The following BDP1 variants were observed in gnomAD, a reference collection of about 807,000 sequenced individuals.
BDP1 encodes BDP1 general transcription factor IIIB subunit.
A neutral mutation model predicts 266.6 loss-of-function variants in BDP1; 169 were observed. The observed-to-expected ratio is 0.63, with a 90% CI of 0.56 to 0.72. BDP1 has a LOEUF of 0.72. Among genes scored for constraint, BDP1 ranks in the 30% least tolerant of loss-of-function variants. The probability of loss-of-function intolerance (pLI) is 0.00; values close to 1 mark genes in which losing one functional copy is unlikely to be tolerated. For synonymous variants in BDP1, 1,090 were observed against 1,022.4 expected, an observed-to-expected ratio of 1.07 and a Z score of -1.26; for missense variants, 3,015 against 3,053.8, an observed-to-expected ratio of 0.99 and a Z score of 0.30.
In BDP1 at chr5:71,505,618, C is replaced by T. The variant is rs865956826; in HGVS notation, c.2372+867C>T. ...GCAGTAGTGGACTCCCATATACCTG[C>T]TGTCCAGTTTCAGTAATTAATATTT... On this transcript the variant is annotated intron_variant, in intron 16 of 38. Coordinates refer to ENST00000358731, the MANE Select transcript of BDP1 (RefSeq NM_018429.3). Among the ~76,000 whole-genome samples the T allele has an allele frequency of 3.9e-5, 6 of 152,302 alleles. No individual in the cohort carries two copies. The South Asian group carries it at 8.3e-4, about 21-fold the overall frequency.
chr5:71,478,190 C>T (rs1019636303), intron 7 of BDP1, among the ~76,000 whole-genome samples: 5 of 152,018 alleles, frequency 3.3e-5, no homozygotes, highest in East Asian at 1.9e-4. Context: ...GTGGAGGTTG[C>T]GATGGCCGAA....
chr5:71,465,812 C>T (rs753444249), intron 4 of BDP1, among the ~76,000 whole-genome samples: 26 of 151,850 alleles, frequency 1.7e-4, no homozygotes, highest in Admixed American at 4.6e-4. Context: ...ACCCAGGAGG[C>T]GGAGGTTGCA....
At chr5:71,533,099 T>C in intron 26 of BDP1, among the ~76,000 whole-genome samples, 1 of 152,234 alleles carries the variant, frequency 6.6e-6, no homozygotes, top group East Asian at 1.9e-4. Flanking sequence ...TGTTGCAGCA[T>C]GTAGTGGTAC....
rs543773105 is a variant in BDP1, at chr5:71,460,882, AAAG to A, written c.490-934_490-932del. Among the ~76,000 whole-genome samples the A allele has an allele frequency of 5.9e-5, 9 of 152,154 alleles. No homozygotes were observed. In the East Asian group the frequency reaches 1.7e-3, roughly 29 times the overall value. On this transcript the variant is annotated intron_variant, in intron 2 of 38. Transcript: ENST00000358731. ...TTTCAAGTCACTACAGGGTAAAAAA[AAAG>A]CTGTGTAAGCATAAATTCTCAGTGA...
intron 13 of BDP1, among the ~76,000 whole-genome samples, chr5:71,500,869 G>C (rs1307247754): frequency 6.6e-6 from 1 of 151,970 alleles, no homozygotes; most frequent in African/African-American, 2.4e-5. Flanking sequence ...GGAGGCTGAG[G>C]CGGGCTAATC....
At chr5:71,514,561 C>G (rs1222529421) in intron 19 of BDP1, among the ~76,000 whole-genome samples, 1 of 152,102 alleles carries the variant, frequency 6.6e-6, no homozygotes, top group Non-Finnish European at 1.5e-5. Context: ...TTTCCACTTA[C>G]AGTATTGTGA....
At position 71,514,844 on chromosome 5, in the gene BDP1, CTAT is replaced by C. The variant is rs1765136981; in HGVS notation, c.4471-95_4471-93del. ...ATTTAGAATTTTGGTATAGACTACC[CTAT>C]TATTCTTCACGAAGATGATATCAGT... is the stretch of plus-strand genomic sequence containing the variant. On this transcript the variant is annotated intron_variant, in intron 19 of 38. Transcript: ENST00000358731. 10 of 767,732 alleles carry C rather than the reference CTAT, an allele frequency of 1.3e-5. No individual in the cohort carries two copies. The South Asian group carries it at 1.6e-4, about 12-fold the overall frequency. 47.6% of individuals were successfully genotyped at this position (767,732 alleles called of 1,614,324 possible). A position where few individuals can be genotyped will look rare whatever the true frequency, so the allele number is the denominator to read the frequency against.
chr5:71,556,334 G>A (rs1227715137), intron 35 of BDP1, among the ~76,000 whole-genome samples: 2 of 151,900 alleles, frequency 1.3e-5, no homozygotes, highest in African/African-American at 2.4e-5. Flanking sequence ...GATCCAAATA[G>A]TGCACATCTT....
intron 14 of BDP1, 81 bp from the exon 15 acceptor site, chr5:71,502,518 A>G: frequency 1.6e-6 from 2 of 1,215,800 alleles, no homozygotes; most frequent in Middle Eastern, 2.2e-4. Context: ...TCATATTCCA[A>G]ATGGTTTACT....
Position 71,492,635 on chromosome 5 carries a change from T to C in BDP1, c.1640+1504T>C, listed in dbSNP as rs527678862. On this transcript the variant is annotated intron_variant, in intron 11 of 38. Coordinates refer to ENST00000358731, the MANE Select transcript of BDP1 (RefSeq NM_018429.3). ...TGAGAATTATTTATATAGTTTGGAT[T>C]TTAGGACCTTATCAGAAATATGATT... 3.9e-5 allele frequency among the ~76,000 whole-genome samples: 6 copies of C among 152,280 alleles called. No homozygotes were observed. The East Asian group carries it at 1.2e-3, about 29-fold the overall frequency.
intron 13 of BDP1, among the ~76,000 whole-genome samples, chr5:71,500,041 A>G (rs981230247): frequency 5.9e-5 from 9 of 152,326 alleles, no homozygotes; most frequent in Admixed American, 3.3e-4. Flanking sequence ...TTACATTGCT[A>G]AATGAATCTT....
chr5:71,496,684 G>C (rs968030421), intron 12 of BDP1, among the ~76,000 whole-genome samples: 17 of 152,178 alleles, frequency 1.1e-4, no homozygotes, highest in Admixed American at 5.2e-4. Context: ...CCGGGTTCAA[G>C]GGATTCACCT....
chr5:71,499,623 A>G (rs1198166498), intron 13 of BDP1, among the ~76,000 whole-genome samples: 1 of 152,198 alleles, frequency 6.6e-6, no homozygotes, highest in Non-Finnish European at 1.5e-5. Context: ...CTGTCTCAAA[A>G]AAATAAAAAA....
intron 31 of BDP1, 85 bp downstream of exon 31, chr5:71,544,592 A>T: frequency 6.8e-7 from 1 of 1,477,858 alleles, no homozygotes; most frequent in Non-Finnish European, 9.1e-7. Context: ...TTGAAAAAGA[A>T]GTTCTGGCCG....
chr5:71,531,275 A>C (rs557054379), intron 25 of BDP1, among the ~76,000 whole-genome samples: 1 of 152,174 alleles, frequency 6.6e-6, no homozygotes, highest in Non-Finnish European at 1.5e-5. Flanking sequence ...GAAAAACAAA[A>C]AAATAAGATA....
At chr5:71,543,390 G>A (rs1767087072) in intron 30 of BDP1, among the ~76,000 whole-genome samples, 1 of 152,186 alleles carries the variant, frequency 6.6e-6, no homozygotes, top group Non-Finnish European at 1.5e-5. Flanking sequence ...GAGCCCAGGA[G>A]TTTTGAGACC....
Position 71,542,212 on chromosome 5 carries a change from AG to A in BDP1, c.6361del (p.Glu2121LysfsTer7). ...TLGTNRLDDY[Q>X]EVSSLCVTKG... ...GGGACCAACAGGCTTGATGATTATCAGGAAGTTTCCAGTTTGTGTGTAACCA... is the reference window on the plus strand; with the variant it reads ...GGGACCAACAGGCTTGATGATTATCAGAAGTTTCCAGTTTGTGTGTAACCA... On this transcript the variant is annotated frameshift_variant, in exon 30 of 39. Transcript: ENST00000358731. LOFTEE classifies it high-confidence loss of function. The A allele has an allele frequency of 6.2e-7, 1 of 1,613,588 alleles. No individual in the cohort carries two copies. Among genetic ancestry groups the A allele is most frequent in the Non-Finnish European group, 8.5e-7 (1 of 1,179,836 alleles).
chr5:71,532,227 T>A, intron 25 of BDP1, 81 bp from the exon 26 acceptor site: 1 of 1,244,194 alleles, frequency 8.0e-7, no homozygotes. Context: ...CGTTTCATCT[T>A]ACTTATTCAT....
Position 71,517,563 on chromosome 5 carries a change from A to T in BDP1, c.4991+111A>T. On this transcript the variant is annotated intron_variant, in intron 22 of 38. Transcript: ENST00000358731. Reference sequence around the variant, plus strand: ...TTCACATCCTGAAAATGTTAAAAGGATAAAGTAATAAATACTTGTGATACT... The same window carrying T: ...TTCACATCCTGAAAATGTTAAAAGGTTAAAGTAATAAATACTTGTGATACT... The T allele has an allele frequency of 3.2e-6, 3 of 926,148 alleles. No individual in the cohort carries two copies. The East Asian group carries it at 8.0e-5, about 25-fold the overall frequency. The allele number at this position is 926,148 out of a possible 1,614,324, so 57.4% of individuals were successfully genotyped here.
Sources: gnomAD v4.1 joint callset for allele counts (sites outside exome capture counted in the v4.1 genomes callset) on GRCh38, gnomAD v4.1.1 for gene constraint, MANE v1.5 for transcripts, NCBI Gene and HGNC (gene_info 2026-07-23, HGNC 2026-07-21) for gene names.